Variants in SPATA1 observed in about 807,000 individuals in gnomAD.
SPATA1 encodes spermatogenesis associated 1, also known as spermatogenesis-associated protein 1.
A neutral mutation model predicts 59.6 loss-of-function variants in SPATA1; 57 were observed. The observed-to-expected ratio is 0.96, with a 90% CI of 0.77 to 1.19. The LOEUF (loss-of-function observed/expected upper bound fraction) is 1.19, where lower values mean the gene tolerates loss of function less well. Among genes scored for constraint, SPATA1 ranks in the 50% most tolerant of loss-of-function variants. The pLI is 0.00. For missense variants in SPATA1, 448 were observed against 480.7 expected (o/e 0.93, Z 0.64); for synonymous variants, 147 against 163.9 (o/e 0.90, Z 0.79).
At chr1:84,537,020 T>C (rs1570434561) in intron 8 of SPATA1, among the ~76,000 whole-genome samples, 3 of 151,588 alleles carry the variant, frequency 2.0e-5, no homozygotes, top group Admixed American at 6.6e-5. Context: ...GCTGGGATTA[T>C]AGGCACCTGC....
chr1:84,510,084 G>A (rs780053619), intron 1 of SPATA1, among the ~76,000 whole-genome samples: 3 of 151,918 alleles, frequency 2.0e-5, no homozygotes, highest in Non-Finnish European at 2.9e-5. Context: ...CAGCTACTTG[G>A]GAACCTGCAG....
rs41284593 is a variant in SPATA1, at chr1:84,516,129, G to A, written c.-137-94G>A. 2,326 of 423,968 alleles carry A rather than the reference G, an allele frequency of 5.5e-3. 8 individuals are homozygous for A. Among genetic ancestry groups the A allele is most frequent in the Middle Eastern group, 9.9e-3 (16 of 1,622 alleles). 26.3% of individuals were successfully genotyped at this position (423,968 alleles called of 1,614,324 possible). Reference sequence around the variant, plus strand: ...ATTTACTAGTAATATGTCCTTTTGAGTTAGAATAATAAAGATTGTATATAT... The same window carrying A: ...ATTTACTAGTAATATGTCCTTTTGAATTAGAATAATAAAGATTGTATATAT... On this transcript the variant is annotated intron_variant, in intron 1 of 12. Transcript: ENST00000490879.
At chr1:84,551,471 C>T (rs546378492) in intron 12 of SPATA1, 1 of 187,792 alleles carries the variant, frequency 5.3e-6, no homozygotes, top group African/African-American at 2.4e-5. Context: ...AGATTGGTAC[C>T]CACTAGCCAC....
At chr1:84,555,489 TATC>T (rs1213486478), downstream of SPATA1, among the ~76,000 whole-genome samples, 5 of 152,366 alleles carry the variant, frequency 3.3e-5, no homozygotes, top group East Asian at 7.7e-4. Context: ...ATTTTCAACT[TATC>T]ATATGTTTAT....
At position 84,525,684 on chromosome 1, in the gene SPATA1, ACTT is replaced by A; in HGVS notation, c.262-11_262-9del. ...CAAAAGCTTTAATTTTTTTCTCACT[ACTT>A]ATTTCTAGGTGAAGGAAAAGCAAGA... On this transcript the variant is annotated splice_polypyrimidine_tract_variant and intron_variant, in intron 4 of 12. Coordinates refer to ENST00000490879, the Ensembl canonical transcript of SPATA1. 6.4e-7 allele frequency: 1 copy of A among 1,570,092 alleles called. No homozygotes were observed. Among genetic ancestry groups the A allele is most frequent in the African/African-American group, 1.4e-5 (1 of 72,342 alleles).
At chr1:84,552,861 C>T in intron 12 of SPATA1, 1 of 532,860 alleles carries the variant, frequency 1.9e-6, no homozygotes, top group South Asian at 2.4e-5. Context: ...GCTTATTAAA[C>T]AGCATTCATA....
Position 84,522,512 on chromosome 1 carries a change from GTT to G in SPATA1, c.261+8_261+9del, listed in dbSNP as rs558665868. On this transcript the variant is annotated splice_donor_region_variant and intron_variant, in intron 4 of 12. Coordinates refer to ENST00000490879, the Ensembl canonical transcript of SPATA1. ...ATTGGAAATAATTTAGCTGTGGTAAGTTTTCTTTTTTTTTCTTTCTGATTGAG... is the reference window on the plus strand; with the variant it reads ...ATTGGAAATAATTTAGCTGTGGTAAGTTCTTTTTTTTTCTTTCTGATTGAG... 227 of 1,471,118 alleles carry G rather than the reference GTT, an allele frequency of 1.5e-4. 1 individual carries two copies. In the African/African-American group the frequency reaches 2.9e-3, roughly 19 times the overall value. The allele number at this position is 1,471,118 out of a possible 1,614,324, so 91.1% of individuals were successfully genotyped here.
chr1:84,537,781 T>A (rs1204118559), intron 8 of SPATA1, among the ~76,000 whole-genome samples: 1 of 152,156 alleles, frequency 6.6e-6, no homozygotes, highest in African/African-American at 2.4e-5. Context: ...GGGTGGAGGT[T>A]TAGAGGGGTC....
chr1:84,545,766 T>C lies in SPATA1; in HGVS notation c.946+7T>C. On this transcript the variant is annotated splice_region_variant and intron_variant, in intron 10 of 12. Coordinates refer to ENST00000490879, the Ensembl canonical transcript of SPATA1. ...AAATTAAAACGATATCATGGTAAAGTTTATTACATACCTTTTATCACTATA... is the reference window on the plus strand; with the variant it reads ...AAATTAAAACGATATCATGGTAAAGCTTATTACATACCTTTTATCACTATA... 6.7e-7 allele frequency: 1 copy of C among 1,494,928 alleles called. No individual in the cohort carries two copies. Among genetic ancestry groups the C allele is most frequent in the Non-Finnish European group, 8.8e-7 (1 of 1,130,946 alleles). 92.6% of individuals were successfully genotyped at this position (1,494,928 alleles called of 1,614,324 possible).
At chr1:84,525,744 C>T (rs747818783) in exon 5 of SPATA1, 20 of 1,605,216 alleles carry the variant, frequency 1.2e-5, no homozygotes, top group Non-Finnish European at 1.5e-5. Flanking sequence ...ATTTGCTCCT[C>T]CATATGTATG....
intron 1 of SPATA1, among the ~76,000 whole-genome samples, chr1:84,515,436 T>G (rs1310638089): frequency 1.3e-5 from 2 of 152,038 alleles, no homozygotes; most frequent in African/African-American, 4.8e-5. Flanking sequence ...CAGTTCCAGA[T>G]CAGAGGAATT....
At chr1:84,546,630 C>A (rs1277229138) in intron 10 of SPATA1, among the ~76,000 whole-genome samples, 1 of 152,088 alleles carries the variant, frequency 6.6e-6, no homozygotes, top group East Asian at 1.9e-4. Flanking sequence ...GGTTCTAGGT[C>A]TTCGGGCATG....
chr1:84,526,857 G>T (rs1683245683), intron 6 of SPATA1, among the ~76,000 whole-genome samples: 1 of 109,160 alleles, frequency 9.2e-6, no homozygotes, highest in South Asian at 3.0e-4. Context: ...GACAGAGCGA[G>T]ACTTTGTCTC....
chr1:84,534,971 GCATTCT>G (rs1290514514), intron 8 of SPATA1, among the ~76,000 whole-genome samples: 2 of 152,004 alleles, frequency 1.3e-5, no homozygotes, highest in Non-Finnish European at 2.9e-5. Flanking sequence ...CCTTTCTCTT[GCATTCT>G]CAGTGATAAT....
intron 1 of SPATA1, among the ~76,000 whole-genome samples, chr1:84,507,968 A>T (rs569095493): frequency 6.6e-6 from 1 of 152,196 alleles, no homozygotes; most frequent in African/African-American, 2.4e-5. Context: ...TAAAGATTCT[A>T]TTTAGGATAC....
At chr1:84,566,096 A>G in exon 5 of SPATA1, 1 of 754,306 alleles carries the variant, frequency 1.3e-6, no homozygotes. Context: ...TATATTTTTT[A>G]CCTTATACTA....
intron 7 of SPATA1, among the ~76,000 whole-genome samples, 152 bp from the exon 8 acceptor site, chr1:84,533,557 T>G (rs751319677): frequency 2.0e-5 from 3 of 152,046 alleles, no homozygotes; most frequent in Admixed American, 6.5e-5. Flanking sequence ...TACTAATGAG[T>G]CTGAAAGAAC....
At chr1:84,508,787 G>C (rs1682398165) in intron 1 of SPATA1, among the ~76,000 whole-genome samples, 1 of 152,026 alleles carries the variant, frequency 6.6e-6, no homozygotes, top group Non-Finnish European at 1.5e-5. Context: ...TTTTATAATG[G>C]CTAAGGAAAT....
downstream of SPATA1, among the ~76,000 whole-genome samples, chr1:84,559,347 G>A (rs1032555131): frequency 6.6e-6 from 1 of 152,170 alleles, no homozygotes; most frequent in African/African-American, 2.4e-5. Flanking sequence ...TTGGCTAGGC[G>A]CGGTAGCTCA....
Sources: allele counts gnomAD v4.1 joint callset (sites outside exome capture counted in the v4.1 genomes callset), GRCh38; gene constraint gnomAD v4.1.1; transcripts MANE v1.5; gene names NCBI Gene and HGNC (gene_info 2026-07-23, HGNC 2026-07-21).